Variants in MAPRE3 observed in about 807,000 individuals in gnomAD.
MAPRE3 encodes the protein microtubule associated protein RP/EB family member 3, also known as microtubule-associated protein RP/EB family member 3.
In MAPRE3, 2 loss-of-function variants were observed where a neutral mutation model predicts 30.5. That is an observed-to-expected ratio of 0.07 (90% CI 0.03 to 0.21). MAPRE3 has a LOEUF of 0.21. Among genes scored for constraint, MAPRE3 ranks in the 10% least tolerant of loss-of-function variants. MAPRE3 has a pLI of 1.00. For missense variants in MAPRE3, 204 were observed against 351.8 expected (o/e 0.58, Z 3.36); for synonymous variants, 110 against 127.7 (o/e 0.86, Z 0.93).
At chr2:27,018,895 T>TTTTTTTATTTATTTATTTA (rs376046795) in intron 1 of MAPRE3, among the ~76,000 whole-genome samples, 2 of 146,946 alleles carry the variant, frequency 1.4e-5, no homozygotes, top group African/African-American at 5.1e-5. Context: ...GCACACACAT[T>TTTTTTTATTTATTTATTTA]TTTATTTATT....
At chr2:26,987,774 C>A (rs935042693) in intron 1 of MAPRE3, among the ~76,000 whole-genome samples, 1 of 152,182 alleles carries the variant, frequency 6.6e-6, no homozygotes, top group Non-Finnish European at 1.5e-5. Flanking sequence ...GTGTTCCTAA[C>A]CACCCAGACT....
chr2:26,972,883 A>G (rs1665941902), intron 1 of MAPRE3, among the ~76,000 whole-genome samples: 1 of 152,202 alleles, frequency 6.6e-6, no homozygotes, highest in Non-Finnish European at 1.5e-5. Flanking sequence ...TAATGATGGA[A>G]TGCCTTTTAA....
chr2:27,019,677 C>T (rs2148226268), intron 1 of MAPRE3, among the ~76,000 whole-genome samples: 1 of 152,224 alleles, frequency 6.6e-6, no homozygotes, highest in African/African-American at 2.4e-5. Context: ...TTTAGGCGCT[C>T]CCAAGACAAT....
chr2:26,972,852 C>G (rs1445739655), intron 1 of MAPRE3, among the ~76,000 whole-genome samples: 1 of 151,898 alleles, frequency 6.6e-6, no homozygotes, highest in African/African-American at 2.4e-5. Flanking sequence ...CCTTTGAAAT[C>G]CATACCAGTG....
At chr2:26,971,762 T>A (rs1309552868) in intron 1 of MAPRE3, among the ~76,000 whole-genome samples, 1 of 152,094 alleles carries the variant, frequency 6.6e-6, no homozygotes, top group Non-Finnish European at 1.5e-5. Flanking sequence ...GTAAATTAAC[T>A]AATTGGATAG....
chr2:27,012,598 C>T (rs1666885784), intron 1 of MAPRE3: 1 of 152,668 alleles, frequency 6.6e-6, no homozygotes, highest in Non-Finnish European at 1.5e-5. Context: ...TGGAAGCTCT[C>T]CAGTGCATGT....
At chr2:26,976,579 T>C (rs1666018503) in intron 1 of MAPRE3, among the ~76,000 whole-genome samples, 1 of 152,220 alleles carries the variant, frequency 6.6e-6, no homozygotes, top group Non-Finnish European at 1.5e-5. Flanking sequence ...CCCTACCAGC[T>C]TTGCTAAACT....
chr2:27,012,434 C>T (rs1666882693), intron 1 of MAPRE3: 1 of 152,220 alleles, frequency 6.6e-6, no homozygotes, highest in African/African-American at 2.4e-5. Flanking sequence ...GGAAAAGTCA[C>T]TGGAATCCTC....
chr2:27,015,548 G>A lies in MAPRE3; in HGVS notation c.-7-6664G>A, dbSNP rs1206772005. 2.0e-5 allele frequency among the ~76,000 whole-genome samples: 3 copies of A among 152,140 alleles called. No individual in the cohort carries two copies. Among genetic ancestry groups the A allele is most frequent in the Non-Finnish European group, 4.4e-5 (3 of 68,038 alleles). ...ATAGCCACGCTGGGCAGAGGGTGGA[G>A]GCCTGGAAACTGCAGGGGGTTCTTC... On this transcript the variant is annotated intron_variant, in intron 1 of 6. Coordinates refer to ENST00000233121, the MANE Select transcript of MAPRE3 (RefSeq NM_012326.4). The surrounding 1 kb of genome is among the most constrained non-coding windows in gnomAD (Gnocchi z 4.0).
intron 1 of MAPRE3, among the ~76,000 whole-genome samples, chr2:27,003,390 A>G (rs542995464): frequency 6.6e-6 from 1 of 152,316 alleles, no homozygotes; most frequent in East Asian, 1.9e-4. Context: ...AAAAAAAATC[A>G]GAATTCTGAT....
intron 4 of MAPRE3, among the ~76,000 whole-genome samples, chr2:27,025,047 G>A (rs1366286670): frequency 1.3e-5 from 2 of 152,180 alleles, no homozygotes; most frequent in Non-Finnish European, 2.9e-5. Flanking sequence ...TGCTGGCTGC[G>A]CTGGGGAGGA....
chr2:26,971,255 G>C (rs1471383999), intron 1 of MAPRE3, among the ~76,000 whole-genome samples: 1 of 152,238 alleles, frequency 6.6e-6, no homozygotes, highest in Admixed American at 6.5e-5. Context: ...GGGGAGACTT[G>C]GGGGAGGGGG....
intron 1 of MAPRE3, among the ~76,000 whole-genome samples, chr2:26,993,537 C>T (rs1666394655): frequency 6.6e-6 from 1 of 152,140 alleles, no homozygotes; most frequent in African/African-American, 2.4e-5. Context: ...AGAGCTAAGT[C>T]CTTCTCCAGG....
chr2:26,978,807 A>C (rs1354067012), intron 1 of MAPRE3, among the ~76,000 whole-genome samples: 1 of 152,226 alleles, frequency 6.6e-6, no homozygotes, highest in East Asian at 1.9e-4. Context: ...ATGGGATATA[A>C]AGGAAATGAG....
intron 1 of MAPRE3, among the ~76,000 whole-genome samples, chr2:26,972,151 C>T (rs1258215930): frequency 2.0e-5 from 3 of 152,176 alleles, no homozygotes; most frequent in South Asian, 2.1e-4. Context: ...TTCCAAATTT[C>T]AGTGTGCTTT....
chr2:26,975,549 G>A (rs1443876125), intron 1 of MAPRE3, among the ~76,000 whole-genome samples: 1 of 151,726 alleles, frequency 6.6e-6, no homozygotes, highest in South Asian at 2.1e-4. Flanking sequence ...CCCATGTATA[G>A]ACATCTAAAG....
intron 1 of MAPRE3, among the ~76,000 whole-genome samples, chr2:27,005,486 C>T (rs1666705068): frequency 6.6e-6 from 1 of 152,192 alleles, no homozygotes; most frequent in Non-Finnish European, 1.5e-5. Context: ...TGCAGCAAAT[C>T]CTCAGTCCCA....
At chr2:27,007,212 G>A (rs978286745) in intron 1 of MAPRE3, among the ~76,000 whole-genome samples, 1 of 152,194 alleles carries the variant, frequency 6.6e-6, no homozygotes, top group Admixed American at 6.5e-5. Flanking sequence ...TAGGTAGAAA[G>A]GTTTATGCTA....
At chr2:26,993,982 A>G (rs1666403352) in intron 1 of MAPRE3, among the ~76,000 whole-genome samples, 1 of 152,228 alleles carries the variant, frequency 6.6e-6, no homozygotes, top group South Asian at 2.1e-4. Context: ...TGCTACCAGA[A>G]TACCCCAGAA....
Sources: allele counts gnomAD v4.1 joint callset (sites outside exome capture counted in the v4.1 genomes callset), GRCh38; gene constraint gnomAD v4.1.1; non-coding constraint Gnocchi (gnomAD v3.1); transcripts MANE v1.5; gene names NCBI Gene and HGNC (gene_info 2026-07-23, HGNC 2026-07-21).